SEMA6D: variants seen among roughly 807,000 people sequenced by gnomAD.
SEMA6D encodes semaphorin 6D.
A neutral mutation model predicts 106.6 loss-of-function variants in SEMA6D; 35 were observed. The observed-to-expected ratio is 0.33, with a 90% CI of 0.25 to 0.44. The LOEUF is 0.44. Among genes scored for constraint, SEMA6D ranks in the 20% least tolerant of loss-of-function variants. The pLI is 1.00. For synonymous variants in SEMA6D, 499 were observed against 487.7 expected, an observed-to-expected ratio of 1.02 and a Z score of -0.31; for missense variants, 1,185 against 1,345.9, an observed-to-expected ratio of 0.88 and a Z score of 1.87.
At chr15:47,247,360 A>G (rs2033263504) in intron 1 of SEMA6D, among the ~76,000 whole-genome samples, 1 of 152,220 alleles carries the variant, frequency 6.6e-6, no homozygotes, top group Admixed American at 6.5e-5. Context: ...ACAATCTAGA[A>G]AAAGAAAGCA....
chr15:47,290,808 G>A (rs903634947), intron 1 of SEMA6D, among the ~76,000 whole-genome samples: 7 of 152,022 alleles, frequency 4.6e-5, no homozygotes, highest in Admixed American at 6.6e-5. Context: ...ATGTGGGACC[G>A]GAAAAACAAA....
intron 1 of SEMA6D, among the ~76,000 whole-genome samples, chr15:47,750,663 A>T (rs553121525): frequency 2.0e-5 from 3 of 152,170 alleles, no homozygotes; most frequent in African/African-American, 7.2e-5. Context: ...TTTCCTCCAC[A>T]TGCCATGGGG....
intron 1 of SEMA6D, among the ~76,000 whole-genome samples, chr15:47,268,619 C>T (rs757338850): frequency 2.0e-5 from 3 of 152,194 alleles, no homozygotes; most frequent in African/African-American, 4.8e-5. Flanking sequence ...ATGGCCAGCA[C>T]TTACGCCCAT....
intron 1 of SEMA6D, among the ~76,000 whole-genome samples, chr15:47,343,274 A>ATTATTATTATTATT (rs71425596): frequency 3.1e-5 from 2 of 65,508 alleles, no homozygotes; most frequent in African/African-American, 3.9e-4. Context: ...TTATTATTAT[A>ATTATTATTATTATT]CTTTAAGTTT....
intron 4 of SEMA6D, among the ~76,000 whole-genome samples, chr15:47,638,732 G>A (rs2077435431): frequency 6.6e-6 from 1 of 152,128 alleles, no homozygotes; most frequent in East Asian, 1.9e-4. Context: ...CCAAGGAGGC[G>A]CTTCCTCTCT....
chr15:47,730,162 T>C, intron 1 of SEMA6D: 1 of 1,501,472 alleles, frequency 6.7e-7, no homozygotes. Context: ...TAGTGGCAAG[T>C]TCTTTAGCCT....
intron 1 of SEMA6D, among the ~76,000 whole-genome samples, chr15:47,219,348 C>T (rs188279675): frequency 2.0e-5 from 3 of 152,200 alleles, no homozygotes; most frequent in East Asian, 1.9e-4. Context: ...TTCTTTTAGG[C>T]GGTTACAGCT....
chr15:47,414,150 CT>C (rs2040888366), intron 2 of SEMA6D, among the ~76,000 whole-genome samples: 1 of 152,112 alleles, frequency 6.6e-6, no homozygotes, highest in Non-Finnish European at 1.5e-5. Flanking sequence ...TAACTTCACA[CT>C]TTTATGCATA....
chr15:47,550,795 G>A (rs1411482518), intron 3 of SEMA6D, among the ~76,000 whole-genome samples: 2 of 152,144 alleles, frequency 1.3e-5, no homozygotes, highest in Non-Finnish European at 1.5e-5. Context: ...TCATTCTCCC[G>A]TGGCTGAGAA....
intron 4 of SEMA6D, among the ~76,000 whole-genome samples, chr15:47,651,472 CA>C (rs2077690098): frequency 6.6e-6 from 1 of 152,266 alleles, no homozygotes; most frequent in South Asian, 2.1e-4. Context: ...GAGCTCCTAT[CA>C]GTGGAAAATA....
intron 4 of SEMA6D, among the ~76,000 whole-genome samples, chr15:47,633,427 T>C (rs1162358850): frequency 6.6e-6 from 1 of 152,156 alleles, no homozygotes; most frequent in African/African-American, 2.4e-5. Flanking sequence ...ACAATTCTTT[T>C]AGTATTTTTA....
At position 47,192,297 on chromosome 15, in the gene SEMA6D, A is replaced by G. The variant is rs540167374; in HGVS notation, c.-239+7879A>G. ...TATCCATCTACCAGCACCTGCTCCC[A>G]CATAATCTACCTCCTTTCAAGTTTT... is the stretch of plus-strand genomic sequence containing the variant. On this transcript the variant is annotated intron_variant, in intron 1 of 19. Coordinates refer to the SEMA6D transcript ENST00000558014. Among the ~76,000 whole-genome samples, 7 of 152,284 alleles carry G rather than the reference A, an allele frequency of 4.6e-5. No homozygotes were observed. In the East Asian group the frequency reaches 1.4e-3, roughly 29 times the overall value.
At chr15:47,243,696 G>A (rs1029386174) in intron 1 of SEMA6D, among the ~76,000 whole-genome samples, 4 of 152,120 alleles carry the variant, frequency 2.6e-5, no homozygotes, top group African/African-American at 9.7e-5. Flanking sequence ...GCATAATGAA[G>A]TGGAGATCTC....
At chr15:47,733,507 A>C (rs2080262946) in intron 1 of SEMA6D, among the ~76,000 whole-genome samples, 1 of 152,194 alleles carries the variant, frequency 6.6e-6, no homozygotes, top group Admixed American at 6.5e-5. Context: ...GCTTCATTGA[A>C]TACGAGTCTT....
At chr15:47,315,075 C>T (rs1295367520) in intron 1 of SEMA6D, among the ~76,000 whole-genome samples, 1 of 151,536 alleles carries the variant, frequency 6.6e-6, no homozygotes, top group African/African-American at 2.4e-5. Flanking sequence ...ACCGTGTTAG[C>T]CAGGATGGTC....
At chr15:47,193,199 C>T (rs1425570596) in intron 1 of SEMA6D, among the ~76,000 whole-genome samples, 1 of 152,158 alleles carries the variant, frequency 6.6e-6, no homozygotes, top group African/African-American at 2.4e-5. Flanking sequence ...CAGGTTACTT[C>T]TCTTCCATTT....
At chr15:47,392,179 C>G (rs2040058405) in intron 1 of SEMA6D, among the ~76,000 whole-genome samples, 1 of 152,190 alleles carries the variant, frequency 6.6e-6, no homozygotes, top group Admixed American at 6.5e-5. Flanking sequence ...ACAGTTTTCT[C>G]AGTTCTTCTG....
intron 3 of SEMA6D, among the ~76,000 whole-genome samples, chr15:47,524,331 CT>C (rs1483645629): frequency 1.3e-5 from 2 of 152,166 alleles, no homozygotes; most frequent in Admixed American, 6.5e-5. Context: ...GAGCAGAAGC[CT>C]TTCCATGCAG....
chr15:47,209,957 C>T (rs1314402446), intron 1 of SEMA6D, among the ~76,000 whole-genome samples: 4 of 152,010 alleles, frequency 2.6e-5, no homozygotes, highest in African/African-American at 9.7e-5. Flanking sequence ...GGTTTTTGTC[C>T]TAAATAAAAG....
Sources: allele counts gnomAD v4.1 joint callset (sites outside exome capture counted in the v4.1 genomes callset), GRCh38; gene constraint gnomAD v4.1.1; transcripts MANE v1.5; gene names NCBI Gene and HGNC (gene_info 2026-07-23, HGNC 2026-07-21).